SLC35F5: variants seen among roughly 807,000 people sequenced by gnomAD.
SLC35F5 encodes the protein HCV NS5A-transactivated protein 3.
Under a neutral mutation model 68.6 loss-of-function variants are expected in SLC35F5, and 54 were observed. That is an observed-to-expected ratio of 0.79 (90% CI 0.63 to 0.99). SLC35F5 has a LOEUF of 0.99. SLC35F5 is among the 50% of genes least tolerant of loss of function. The pLI is 0.00. For synonymous variants in SLC35F5, 211 were observed against 205.2 expected, an observed-to-expected ratio of 1.03 and a Z score of -0.24; for missense variants, 567 against 626.9, an observed-to-expected ratio of 0.90 and a Z score of 1.02.
chr2:113,725,460 C>T lies in SLC35F5; in HGVS notation c.1168G>A (p.Glu390Lys), dbSNP rs762451375. The T allele has an allele frequency of 1.2e-6, 2 of 1,611,184 alleles. No individual in the cohort carries two copies. The highest frequency in any genetic ancestry group is 1.7e-5 in the Admixed American group (1 of 59,310). Reference protein sequence around the residue: ...LLHYTGFEDFEFPNKVVLMCI... With the variant: ...LLHYTGFEDFKFPNKVVLMCI... ...ATTAATACTACTTTATTGGGAAACT[C>T]GAAGTCCTCAAATCCAGTATAATGA... The change falls in exon 12 of 16, where the codon GAG becomes AAG. Residue 390 changes from glutamate (E) to lysine (K), a missense_variant. Glu to Lys is a moderately conservative substitution (Grantham distance 56). Transcript: ENST00000245680.
rs1285966275 is a variant in SLC35F5, at chr2:113,709,460, G to A, written c.*5758C>T. Among the ~76,000 whole-genome samples, 3 of 152,176 alleles carry A rather than the reference G, an allele frequency of 2.0e-5. No homozygotes were observed. Among genetic ancestry groups the A allele is most frequent in the Admixed American group, 1.3e-4 (2 of 15,286 alleles). ...AAGAGTGAGGGAAGGACGGACCATG[G>A]GAGTCAGCATTTTTCAAGCATCCAG... is the stretch of plus-strand genomic sequence containing the variant. On this transcript the variant is annotated 3_prime_UTR_variant, in exon 16 of 16. Transcript: ENST00000245680.
rs1687001608 is a variant in SLC35F5 at position 113,711,953 on chromosome 2, C to T, written c.*3265G>A. 6.6e-6 allele frequency among the ~76,000 whole-genome samples: 1 copy of T among 152,076 alleles called. No individual in the cohort carries two copies. The highest frequency in any genetic ancestry group is 2.4e-5 in the African/African-American group (1 of 41,400). On this transcript the variant is annotated 3_prime_UTR_variant, in exon 16 of 16. Transcript: ENST00000245680. Reference sequence around the variant, plus strand: ...TGAGGATTAGTGCTATGGGTATTACCACAGTGCCCTGTGAAAAGACTTGGC... The same window carrying T: ...TGAGGATTAGTGCTATGGGTATTACTACAGTGCCCTGTGAAAAGACTTGGC...
In SLC35F5 at chr2:113,750,400, C is replaced by T. The variant is rs1250731865; in HGVS notation, c.417+25G>A. 3.2e-6 allele frequency: 5 copies of T among 1,565,608 alleles called. No individual in the cohort carries two copies. In the Admixed American group the frequency reaches 7.6e-5, roughly 24 times the overall value. On this transcript the variant is annotated intron_variant, in intron 4 of 15. Transcript: ENST00000245680. ...AAACGTATCTATACCCCCTTCCTAA[C>T]AGACAGTTAAAATTAAAAACTTACA...
In SLC35F5 at chr2:113,755,600, C is replaced by G. The variant is rs1379095652; in HGVS notation, c.41-56G>C. On this transcript the variant is annotated intron_variant, in intron 1 of 15. Transcript: ENST00000245680. ...AACGTGAATAACTCAAGGTAAGATTCATCACATCGTTTTTTACTCTTCATC... is the reference window on the plus strand; with the variant it reads ...AACGTGAATAACTCAAGGTAAGATTGATCACATCGTTTTTTACTCTTCATC... The G allele has an allele frequency of 4.7e-6, 7 of 1,477,538 alleles. No homozygotes were observed. In the East Asian group the frequency reaches 1.4e-4, roughly 29 times the overall value. 91.5% of individuals were successfully genotyped at this position (1,477,538 alleles called of 1,614,324 possible).
intron 8 of SLC35F5, 52 bp from the exon 9 acceptor site, chr2:113,734,725 C>T (rs774642589): frequency 1.9e-6 from 2 of 1,047,372 alleles, no homozygotes; most frequent in Admixed American, 2.3e-5. Context: ...ATACTGTCAA[C>T]ATTTTTACTA....
intron 15 of SLC35F5, among the ~76,000 whole-genome samples, chr2:113,715,715 C>T (rs1042723580): frequency 1.3e-5 from 2 of 151,952 alleles, no homozygotes; most frequent in African/African-American, 2.4e-5. Context: ...ACTTTAGGTC[C>T]CCGAATAACA....
intron 4 of SLC35F5, among the ~76,000 whole-genome samples, chr2:113,750,069 A>G (rs1676673357): frequency 6.6e-6 from 1 of 152,206 alleles, no homozygotes; most frequent in African/African-American, 2.4e-5. Flanking sequence ...TGTTTCCAGA[A>G]TCCACCTAAC....
intron 8 of SLC35F5, 29 bp from the exon 9 acceptor site, chr2:113,734,702 T>G (rs1688020997): frequency 7.3e-7 from 1 of 1,376,238 alleles, no homozygotes; most frequent in African/African-American, 1.4e-5. Context: ...TTAAAAATGG[T>G]ACATGAGTTT....
chr2:113,719,828 C>T (rs1461541074), intron 13 of SLC35F5: 1 of 151,522 alleles, frequency 6.6e-6, no homozygotes, highest in Admixed American at 6.6e-5. Flanking sequence ...ACTCGCTTAT[C>T]TAGTAATAAA....
At chr2:113,729,336 A>C (rs1256998324) in intron 11 of SLC35F5, 65 bp downstream of exon 11, 2 of 861,446 alleles carry the variant, frequency 2.3e-6, no homozygotes, top group Non-Finnish European at 3.7e-6. Context: ...CCTCTGAAAA[A>C]CAAAAGCAAA....
chr2:113,728,857 A>G (rs1470912294), intron 11 of SLC35F5, among the ~76,000 whole-genome samples: 2 of 152,250 alleles, frequency 1.3e-5, no homozygotes, highest in African/African-American at 4.8e-5. Context: ...TTTATAAACC[A>G]TATCCAGAAA....
In SLC35F5 at chr2:113,722,652, C is replaced by T. The variant is rs1574220118; in HGVS notation, c.1341+452G>A. ...CAAGAATCCCCACATCCATACTAGG[C>T]CTTCAGAGAAAAGGGATGGGATACC... On this transcript the variant is annotated intron_variant, in intron 13 of 15. Coordinates refer to ENST00000245680, the MANE Select transcript of SLC35F5 (RefSeq NM_025181.5). 2.0e-5 allele frequency among the ~76,000 whole-genome samples: 3 copies of T among 152,172 alleles called. No homozygotes were observed. In the South Asian group the frequency reaches 6.2e-4, roughly 32 times the overall value.
rs759861292 is a variant in SLC35F5 at position 113,734,612 on chromosome 2, A to C, written c.894T>G (p.Leu298=). The change falls in exon 9 of 16, where the codon CTT becomes CTG. Residue 298 remains leucine (L), a synonymous_variant. Coordinates refer to ENST00000245680, the MANE Select transcript of SLC35F5 (RefSeq NM_025181.5). The stretch of plus-strand genomic sequence containing the variant: ...TTAAAATTACAGCTAATAGTTTAGA[A>C]AGGGTAAATCTATCTCCACTGTTAC... ...FPSNSGDRFT[L]SKLLAVILSI... The C allele has an allele frequency of 1.2e-6, 2 of 1,601,568 alleles. No homozygotes were observed. Among genetic ancestry groups the C allele is most frequent in the Non-Finnish European group, 1.7e-6 (2 of 1,169,884 alleles).
intron 7 of SLC35F5, among the ~76,000 whole-genome samples, chr2:113,739,940 T>A (rs1422350056): frequency 6.6e-6 from 1 of 152,116 alleles, no homozygotes; most frequent in Non-Finnish European, 1.5e-5. Flanking sequence ...ATTAAGAAAA[T>A]CATAAGAAAG....
chr2:113,717,904 C>T, intron 14 of SLC35F5, 54 bp from the exon 15 acceptor site: 2 of 1,292,018 alleles, frequency 1.5e-6, no homozygotes, highest in Admixed American at 3.9e-5. Flanking sequence ...GAAAAGGAAC[C>T]TCAAACCTTA....
chr2:113,738,046 A>G (rs1324366821), intron 7 of SLC35F5, among the ~76,000 whole-genome samples: 1 of 151,306 alleles, frequency 6.6e-6, no homozygotes, highest in Non-Finnish European at 1.5e-5. Context: ...TCTACTGATT[A>G]CCATAGTCAA....
rs1349690535 is a variant in SLC35F5 at position 113,708,204 on chromosome 2, T to G, written c.*7014A>C. Among the ~76,000 whole-genome samples, 1 of 152,214 alleles carries G rather than the reference T, an allele frequency of 6.6e-6. No homozygotes were observed. Among genetic ancestry groups the G allele is most frequent in the Non-Finnish European group, 1.5e-5 (1 of 68,026 alleles). ...CCCAATCAACTAGCTACAGTTTTTA[T>G]TGTATGCAATCTTCCCAACATTGCA... On this transcript the variant is annotated 3_prime_UTR_variant, in exon 16 of 16. Coordinates refer to ENST00000245680, the MANE Select transcript of SLC35F5 (RefSeq NM_025181.5).
intron 12 of SLC35F5, among the ~76,000 whole-genome samples, chr2:113,725,053 T>C (rs1049531426): frequency 1.3e-5 from 2 of 152,202 alleles, no homozygotes; most frequent in African/African-American, 4.8e-5. Context: ...CCTCATATGT[T>C]TGGATATCCA....
rs1473201423 is a variant in SLC35F5 at position 113,709,885 on chromosome 2, C to G, written c.*5333G>C. Reference sequence around the variant, plus strand: ...GGACTGCAGTGGCCCAATAATAACTCACTGCAGCCTCGAACTCCTGGGTTC... The same window carrying G: ...GGACTGCAGTGGCCCAATAATAACTGACTGCAGCCTCGAACTCCTGGGTTC... On this transcript the variant is annotated 3_prime_UTR_variant, in exon 16 of 16. Coordinates refer to ENST00000245680, the MANE Select transcript of SLC35F5 (RefSeq NM_025181.5). Among the ~76,000 whole-genome samples the G allele has an allele frequency of 6.6e-6, 1 of 152,204 alleles. No individual in the cohort carries two copies. Among genetic ancestry groups the G allele is most frequent in the Non-Finnish European group, 1.5e-5 (1 of 68,032 alleles).
Sources: gnomAD v4.1 joint callset for allele counts (sites outside exome capture counted in the v4.1 genomes callset) on GRCh38, gnomAD v4.1.1 for gene constraint, MANE v1.5 for transcripts, NCBI Gene and HGNC (gene_info 2026-07-23, HGNC 2026-07-21) for gene names.